ENAM: variants seen among roughly 807,000 people sequenced by gnomAD.
The protein encoded by ENAM is enamelin.
ENAM carries 21 observed loss-of-function variants against 33.6 expected under a neutral mutation model. The ratio of observed to expected loss-of-function variants is 0.63; its 90% CI spans 0.44 to 0.90. ENAM has a LOEUF of 0.90. Among genes scored for constraint, ENAM ranks in the 40% least tolerant of loss-of-function variants. The probability of loss-of-function intolerance (pLI) is 0.00; values close to 1 mark genes in which losing one functional copy is unlikely to be tolerated. For missense variants in ENAM, 1,388 were observed against 1,366.9 expected (o/e 1.02, Z -0.24); for synonymous variants, 473 against 468.4 (o/e 1.01, Z -0.13).
chr4:70,637,875 G>C, intron 8 of ENAM, 32 bp downstream of exon 8: 1 of 1,526,978 alleles, frequency 6.5e-7, no homozygotes. Context: ...TTCTCCACTA[G>C]AAATTACAAT....
Position 70,642,601 on chromosome 4 carries a change from C to T in ENAM, c.1175C>T (p.Pro392Leu). The T allele has an allele frequency of 6.2e-7, 1 of 1,613,944 alleles. No individual in the cohort carries two copies. Among genetic ancestry groups the T allele is most frequent in the Non-Finnish European group, 8.5e-7 (1 of 1,179,958 alleles). The stretch of plus-strand genomic sequence containing the variant: ...CCTCCTACTTCAAGAGGCAATTATC[C>T]CAATTATGCAGGAAATCCAGCAAAT... ...AYPPTSRGNY[P>L]NYAGNPANLR... Residue 392 changes from proline (P) to leucine (L), a missense_variant, in exon 9 of 9, where the codon CCC (proline) becomes CTC (leucine). Transcript: ENST00000396073.
At chr4:70,634,826 G>A (rs985012918) in intron 6 of ENAM, among the ~76,000 whole-genome samples, 3 of 152,162 alleles carry the variant, frequency 2.0e-5, no homozygotes, top group Non-Finnish European at 4.4e-5. Context: ...TAATCTAACA[G>A]TCGAGAATCA....
chr4:70,630,336 T>G (rs1028474428), intron 2 of ENAM, among the ~76,000 whole-genome samples: 3 of 152,174 alleles, frequency 2.0e-5, no homozygotes, highest in African/African-American at 7.2e-5. Context: ...AGATTTTATG[T>G]CCAGAAAAGG....
chr4:70,635,689 C>A, intron 6 of ENAM, 143 bp from the exon 7 acceptor site: 1 of 653,608 alleles, frequency 1.5e-6, no homozygotes, highest in Admixed American at 2.4e-5. Flanking sequence ...TTATCATTAT[C>A]GTCTTTGCCC....
chr4:70,642,361 G>C lies in ENAM; in HGVS notation c.935G>C (p.Ser312Thr), dbSNP rs748056009. Residue 312 changes from serine (S) to threonine (T), a missense_variant, in exon 9 of 9, where the codon AGT becomes ACT. By Grantham distance (58) the Ser-to-Thr change is moderately conservative. Transcript: ENST00000396073. ...GGAAGTCAAATCCCATGGAGACCAAGTCAGCCAAATATTCGTGAAAATCAT... is the reference window on the plus strand; with the variant it reads ...GGAAGTCAAATCCCATGGAGACCAACTCAGCCAAATATTCGTGAAAATCAT... ...GPGSQIPWRP[S>T]QPNIRENHPY... 7.4e-6 allele frequency: 12 copies of C among 1,614,028 alleles called. No individual in the cohort carries two copies. The East Asian group carries it at 1.3e-4, about 18-fold the overall frequency.
rs529979202 is a variant in ENAM at position 70,644,188 on chromosome 4, AT to A, written c.2763del (p.Asp921GlufsTer32). The A allele has an allele frequency of 3.0e-4, 480 of 1,614,014 alleles. No homozygotes were observed. Among genetic ancestry groups the A allele is most frequent in the Non-Finnish European group, 3.9e-4 (465 of 1,180,022 alleles). On this transcript the variant is annotated frameshift_variant, in exon 9 of 9. Coordinates refer to ENST00000396073, the MANE Select transcript of ENAM (RefSeq NM_031889.3). LOFTEE classifies it low-confidence loss of function (END_TRUNC). ...TDGSHTKQTR[D>X]IISPTSILPG... The stretch of plus-strand genomic sequence containing the variant: ...GGTAGTCATACCAAGCAGACAAGAG[AT>A]ATCATCTCCCCAACAAGCATCCTAC...
chr4:70,644,884 A>G lies in ENAM; in HGVS notation c.*29A>G, dbSNP rs754095306. The G allele has an allele frequency of 6.3e-7, 1 of 1,589,042 alleles. No individual in the cohort carries two copies. The highest frequency in any genetic ancestry group is 8.6e-7 in the Non-Finnish European group (1 of 1,157,478). On this transcript the variant is annotated 3_prime_UTR_variant, in exon 9 of 9. Coordinates refer to ENST00000396073, the MANE Select transcript of ENAM (RefSeq NM_031889.3). ...TTATCCAACCAAGCATTCTTGGGGA[A>G]AGAGAAATCACTGACATTCTATACC...
Position 70,644,606 on chromosome 4 carries a change from CA to C in ENAM, c.3183del (p.Lys1061AsnfsTer2). ...TTCTGCATTTGCCATGCTTTGGCTC[CA>C]AATTAGCAAAGCATCACTCTTCCAC... The part of the protein sequence containing the change: ...NILHLPCFGS[K>X]LAKHHSSTTG... On this transcript the variant is annotated frameshift_variant, in exon 9 of 9. Transcript: ENST00000396073. LOFTEE classifies it high-confidence loss of function. 1 of 1,613,140 alleles carries C rather than the reference CA, an allele frequency of 6.2e-7. No homozygotes were observed. Among genetic ancestry groups the C allele is most frequent in the African/African-American group, 1.3e-5 (1 of 75,008 alleles).
intron 5 of ENAM, 50 bp downstream of exon 5, chr4:70,632,742 A>G: frequency 7.9e-7 from 1 of 1,264,792 alleles, no homozygotes; most frequent in Non-Finnish European, 1.2e-6. Context: ...TATCTAGATA[A>G]CTCCGTTATA....
chr4:70,644,510 C>A lies in ENAM; in HGVS notation c.3084C>A (p.Ser1028=), dbSNP rs776104957. Residue 1028 remains serine (S), a synonymous_variant, in exon 9 of 9, where the codon TCC becomes TCA. Coordinates refer to ENST00000396073, the MANE Select transcript of ENAM (RefSeq NM_031889.3). Reference sequence around the variant, plus strand: ...TTATTGGTACACCTGATGAAGGCTCCAATCCAGAAGGCATCCAAAGTCAAG... The same window carrying A: ...TTATTGGTACACCTGATGAAGGCTCAAATCCAGAAGGCATCCAAAGTCAAG... The part of the protein sequence containing the change: ...QLVIGTPDEG[S]NPEGIQSQVQ... 6.2e-7 allele frequency: 1 copy of A among 1,614,068 alleles called. No homozygotes were observed. Among genetic ancestry groups the A allele is most frequent in the Non-Finnish European group, 8.5e-7 (1 of 1,179,982 alleles).
In ENAM at chr4:70,646,211, A is replaced by G. The variant is rs374645563; in HGVS notation, c.*1356A>G. The G allele has an allele frequency of 3.9e-5, 6 of 152,270 alleles. No individual in the cohort carries two copies. The highest frequency in any genetic ancestry group is 3.3e-4 in the Admixed American group (5 of 15,296). The allele number at this position is 152,270 out of a possible 1,614,324, so 9.4% of individuals were successfully genotyped here. ...ATTATTTTGAAAAGTGGATATTTCT[A>G]TATGCCTTGCTTATAATACATCAGG... On this transcript the variant is annotated 3_prime_UTR_variant, in exon 9 of 9. Coordinates refer to ENST00000396073, the MANE Select transcript of ENAM (RefSeq NM_031889.3).
intron 8 of ENAM, 35 bp downstream of exon 8, chr4:70,637,878 A>G: frequency 6.8e-7 from 1 of 1,478,506 alleles, no homozygotes; most frequent in Non-Finnish European, 9.5e-7. Flanking sequence ...TCCACTAGAA[A>G]TTACAATCCA....
Position 70,643,017 on chromosome 4 carries a change from T to C in ENAM, c.1591T>C (p.Ser531Pro). Residue 531 changes from serine to proline, a missense_variant, in exon 9 of 9, where the codon TCA becomes CCA. Coordinates refer to ENST00000396073, the MANE Select transcript of ENAM (RefSeq NM_031889.3). ...AGGGTCAAGAAGGATGCCATATGAA[T>C]CAGAAACTAATCAGTCAGAATTAAA... ...VLGSRRMPYESETNQSELKHS... is the reference protein window; with the variant it reads ...VLGSRRMPYEPETNQSELKHS... 6.2e-7 allele frequency: 1 copy of C among 1,614,020 alleles called. No individual in the cohort carries two copies. Among genetic ancestry groups the C allele is most frequent in the Non-Finnish European group, 8.5e-7 (1 of 1,180,002 alleles).
chr4:70,643,399 A>G lies in ENAM; in HGVS notation c.1973A>G (p.Asp658Gly). Residue 658 changes from aspartate to glycine, a missense_variant, in exon 9 of 9, where the codon GAT (aspartate) becomes GGT (glycine). Transcript: ENST00000396073. ...IVPYNEEDPV[D>G]PTGDEVFPGQ... ...CCTTATAATGAAGAGGACCCAGTTG[A>G]TCCAACTGGAGATGAAGTCTTTCCT... The G allele has an allele frequency of 6.2e-7, 1 of 1,613,888 alleles. No homozygotes were observed. Among genetic ancestry groups the G allele is most frequent in the East Asian group, 2.2e-5 (1 of 44,876 alleles).
At position 70,642,248 on chromosome 4, in the gene ENAM, C is replaced by A. The variant is rs1167780610; in HGVS notation, c.822C>A (p.Thr274=). The A allele has an allele frequency of 1.2e-6, 2 of 1,613,976 alleles. No individual in the cohort carries two copies. Among genetic ancestry groups the A allele is most frequent in the African/African-American group, 2.7e-5 (2 of 74,888 alleles). Reference sequence around the variant, plus strand: ...ACACCAGCCCCACAGGAAACAGTACCCCAGGACTAAACACTGGGAACAACC... The same window carrying A: ...ACACCAGCCCCACAGGAAACAGTACACCAGGACTAAACACTGGGAACAACC... The part of the protein sequence containing the change: ...GNDTSPTGNS[T]PGLNTGNNPP... The change falls in exon 9 of 9, where the codon ACC becomes ACA. Residue 274 remains threonine, a synonymous_variant. Coordinates refer to ENST00000396073, the MANE Select transcript of ENAM (RefSeq NM_031889.3).
At chr4:70,630,484 A>G (rs974304581) in intron 2 of ENAM, among the ~76,000 whole-genome samples, 1 of 152,234 alleles carries the variant, frequency 6.6e-6, no homozygotes, top group Non-Finnish European at 1.5e-5. Flanking sequence ...GTATATGCAA[A>G]TAGAAAGTTT....
chr4:70,644,351 C>G lies in ENAM; in HGVS notation c.2925C>G (p.Ala975=), dbSNP rs1470292359. The change falls in exon 9 of 9, where the codon GCC becomes GCG. Residue 975 remains alanine (A), a synonymous_variant. Coordinates refer to ENST00000396073, the MANE Select transcript of ENAM (RefSeq NM_031889.3). ...AGGAAATTATGCCCTTTCCTGAAGC[C>G]AGTTCCCTTCAATCAAAGAATACAC... ...GQKEIMPFPE[A]SSLQSKNTPC... 1 of 1,614,182 alleles carries G rather than the reference C, an allele frequency of 6.2e-7. No individual in the cohort carries two copies.
rs774772274 is a variant in ENAM, at chr4:70,631,725, C to G, written c.110C>G (p.Ser37Cys). Reference protein sequence around the residue: ...LLVFLGLLGNSVAMPMHMPRM... With the variant: ...LLVFLGLLGNCVAMPMHMPRM... ...GTCTTTCTAGGGCTTCTTGGTAATT[C>G]TGTTGCTATGCCAGTGAGTATTTTT... is the stretch of plus-strand genomic sequence containing the variant. The change falls in exon 3 of 9, where the codon TCT (serine) becomes TGT (cysteine). Residue 37 changes from serine to cysteine, a missense_variant. Transcript: ENST00000396073. 34 of 1,613,170 alleles carry G rather than the reference C, an allele frequency of 2.1e-5. No individual in the cohort carries two copies. The highest frequency in any genetic ancestry group is 2.9e-5 in the Non-Finnish European group (34 of 1,179,246).
In ENAM at chr4:70,644,077, A is replaced by G. The variant is rs751940065; in HGVS notation, c.2651A>G (p.Asp884Gly). 1 of 1,614,104 alleles carries G rather than the reference A, an allele frequency of 6.2e-7. No homozygotes were observed. The highest frequency in any genetic ancestry group is 8.5e-7 in the Non-Finnish European group (1 of 1,180,008). Residue 884 changes from aspartate (D) to glycine (G), a missense_variant, in exon 9 of 9, where the codon GAC becomes GGC. Coordinates refer to ENST00000396073, the MANE Select transcript of ENAM (RefSeq NM_031889.3). ...GCTGGTAGCTCCACAGGGCCCAAGGACAATCCACTAGCTCTACAAGACTAC... is the reference window on the plus strand; with the variant it reads ...GCTGGTAGCTCCACAGGGCCCAAGGGCAATCCACTAGCTCTACAAGACTAC... ...CCAGSSTGPK[D>G]NPLALQDYTP...
Sources: allele counts gnomAD v4.1 joint callset (sites outside exome capture counted in the v4.1 genomes callset), GRCh38; gene constraint gnomAD v4.1.1; transcripts MANE v1.5; gene names NCBI Gene and HGNC (gene_info 2026-07-23, HGNC 2026-07-21).